ALCAM: variants seen among roughly 807,000 people sequenced by gnomAD.
ALCAM encodes the protein activated leukocyte cell adhesion molecule.
Under a neutral mutation model 70.9 loss-of-function variants are expected in ALCAM, and 30 were observed. The observed-to-expected ratio is 0.42, with a 90% CI of 0.32 to 0.57. The LOEUF (loss-of-function observed/expected upper bound fraction) is 0.57, where lower values mean the gene tolerates loss of function less well. Among genes scored for constraint, ALCAM ranks in the 20% least tolerant of loss-of-function variants. The pLI, the probability that ALCAM is intolerant of heterozygous loss-of-function variation, is 0.11. For synonymous variants in ALCAM, 249 were observed against 242.5 expected (o/e 1.03, Z -0.25); for missense variants, 591 against 695.1 (o/e 0.85, Z 1.68).
chr3:105,374,982 G>T (rs889041282), intron 1 of ALCAM, among the ~76,000 whole-genome samples: 3 of 152,200 alleles, frequency 2.0e-5, no homozygotes, highest in Non-Finnish European at 4.4e-5. Context: ...TGTTTGGTAA[G>T]CAGCCAAAAG....
intron 3 of ALCAM, among the ~76,000 whole-genome samples, chr3:105,527,919 G>A (rs1031286673): frequency 2.0e-5 from 3 of 151,378 alleles, no homozygotes; most frequent in African/African-American, 4.9e-5. Flanking sequence ...GGGGGGCATT[G>A]AGGGGGGAGG....
In ALCAM at chr3:105,520,141, A is replaced by T. The variant is rs1180909970; in HGVS notation, c.148A>T (p.Asn50Tyr). 15 of 1,612,784 alleles carry T rather than the reference A, an allele frequency of 9.3e-6. No homozygotes were observed. Among genetic ancestry groups the T allele is most frequent in the Non-Finnish European group, 1.2e-5 (14 of 1,178,924 alleles). Residue 50 changes from asparagine to tyrosine, a missense_variant, in exon 2 of 16, where the codon AAT becomes TAT. This residue lies in a region of ALCAM where 427 missense variants were observed against 450.4 expected (regional missense o/e 0.95). Transcript: ENST00000306107. The stretch of plus-strand genomic sequence containing the variant: ...ACCTTGCCGACTTGACGTACCTCAG[A>T]ATCTCATGTTTGGCAAATGGAAATA... ...IIPCRLDVPQ[N>Y]LMFGKWKYEK... is the part of the protein sequence containing the mutation.
At chr3:105,386,514 C>G (rs1254738104) in intron 1 of ALCAM, among the ~76,000 whole-genome samples, 1 of 151,406 alleles carries the variant, frequency 6.6e-6, no homozygotes, top group Non-Finnish European at 1.5e-5. Context: ...TTTCTCTATA[C>G]CCTACCTTCC....
intron 7 of ALCAM, among the ~76,000 whole-genome samples, chr3:105,541,033 A>G (rs1940102294): frequency 6.6e-6 from 1 of 151,982 alleles, no homozygotes; most frequent in Non-Finnish European, 1.5e-5. Context: ...TTTTAGCAAT[A>G]ATACCTGCTG....
At chr3:105,522,421 C>T (rs1233067410) in intron 2 of ALCAM, among the ~76,000 whole-genome samples, 1 of 152,068 alleles carries the variant, frequency 6.6e-6, no homozygotes, top group Non-Finnish European at 1.5e-5. Flanking sequence ...TAAAATAGAG[C>T]ATTTGCAATG....
chr3:105,388,063 T>G (rs1211308525), intron 1 of ALCAM, among the ~76,000 whole-genome samples: 5 of 151,520 alleles, frequency 3.3e-5, no homozygotes, highest in African/African-American at 1.2e-4. Context: ...GGAATAAAAA[T>G]GCATTACAGT....
intron 1 of ALCAM, among the ~76,000 whole-genome samples, chr3:105,490,597 G>A (rs748915600): frequency 3.3e-5 from 5 of 152,128 alleles, no homozygotes; most frequent in Non-Finnish European, 5.9e-5. Flanking sequence ...TGGGAAGAAA[G>A]CATGTTATAG....
Position 105,366,922 on chromosome 3 carries a change from G to T in ALCAM, c.-487G>T. Reference sequence around the variant, plus strand: ...GTCCCTCTACTCAGAGCAGCCCGGAGACCGCTGCCGCCGCTGCCGCTGCTA... The same window carrying T: ...GTCCCTCTACTCAGAGCAGCCCGGATACCGCTGCCGCCGCTGCCGCTGCTA... On this transcript the variant is annotated 5_prime_UTR_variant, in exon 1 of 16. Coordinates refer to ENST00000306107, the MANE Select transcript of ALCAM (RefSeq NM_001627.4). 1 of 161,454 alleles carries T rather than the reference G, an allele frequency of 6.2e-6. No individual in the cohort carries two copies. The highest frequency in any genetic ancestry group is 1.4e-4 in the South Asian group (1 of 7,246). The allele number at this position is 161,454 out of a possible 1,614,324, so 10.0% of individuals were successfully genotyped here.
At chr3:105,420,931 T>A (rs1936634544) in intron 1 of ALCAM, among the ~76,000 whole-genome samples, 1 of 151,478 alleles carries the variant, frequency 6.6e-6, no homozygotes, top group South Asian at 2.1e-4. Context: ...ATTCAAGGGC[T>A]TAGACACAGT....
intron 1 of ALCAM, among the ~76,000 whole-genome samples, chr3:105,463,306 T>C (rs1559800195): frequency 6.6e-6 from 1 of 151,486 alleles, no homozygotes; most frequent in South Asian, 2.1e-4. Context: ...CTCTTTCATG[T>C]TGATGCTCTT....
At chr3:105,437,236 T>G (rs906614677) in intron 1 of ALCAM, among the ~76,000 whole-genome samples, 1 of 152,222 alleles carries the variant, frequency 6.6e-6, no homozygotes, top group African/African-American at 2.4e-5. Flanking sequence ...GAGCTCAAAG[T>G]TGCTAAAGTT....
At chr3:105,529,630 G>A (rs1939790711) in intron 3 of ALCAM, among the ~76,000 whole-genome samples, 1 of 151,994 alleles carries the variant, frequency 6.6e-6, no homozygotes, top group South Asian at 2.1e-4. Context: ...ATAGAAAGAC[G>A]AATCATAATG....
chr3:105,490,781 G>T (rs1472469592), intron 1 of ALCAM, among the ~76,000 whole-genome samples: 1 of 152,156 alleles, frequency 6.6e-6, no homozygotes, highest in African/African-American at 2.4e-5. Flanking sequence ...CCCTTCCCCT[G>T]TGGCTTTGCA....
At chr3:105,437,890 G>C (rs999190073) in intron 1 of ALCAM, among the ~76,000 whole-genome samples, 1 of 152,000 alleles carries the variant, frequency 6.6e-6, no homozygotes, top group Non-Finnish European at 1.5e-5. Flanking sequence ...ATATTTTATA[G>C]TAGGAAAATG....
At chr3:105,522,672 C>T (rs958045061) in intron 2 of ALCAM, among the ~76,000 whole-genome samples, 3 of 152,140 alleles carry the variant, frequency 2.0e-5, no homozygotes, top group Admixed American at 6.5e-5. Flanking sequence ...ACAGTGTAAC[C>T]ATAATGAGGC....
intron 1 of ALCAM, among the ~76,000 whole-genome samples, chr3:105,461,986 ATTAT>A (rs1937610603): frequency 6.6e-6 from 1 of 151,644 alleles, no homozygotes; most frequent in Non-Finnish European, 1.5e-5. Context: ...AGGCAGGGAA[ATTAT>A]TTGAGAATTT....
At chr3:105,414,444 T>C (rs1195091188) in intron 1 of ALCAM, among the ~76,000 whole-genome samples, 2 of 151,578 alleles carry the variant, frequency 1.3e-5, no homozygotes, top group Non-Finnish European at 2.9e-5. Flanking sequence ...TAAAGTACTG[T>C]GAGATAGAAT....
At chr3:105,385,520 T>C (rs1415222559) in intron 1 of ALCAM, among the ~76,000 whole-genome samples, 1 of 151,636 alleles carries the variant, frequency 6.6e-6, no homozygotes, top group African/African-American at 2.4e-5. Flanking sequence ...CTTTACTGCT[T>C]TGCCATGACG....
intron 1 of ALCAM, among the ~76,000 whole-genome samples, chr3:105,408,337 C>T (rs777486891): frequency 3.9e-4 from 59 of 152,020 alleles, no homozygotes; most frequent in Non-Finnish European, 6.9e-4. Context: ...CAGCATGATA[C>T]GGGTATAAAA....
Sources: allele counts gnomAD v4.1 joint callset (sites outside exome capture counted in the v4.1 genomes callset), GRCh38; gene constraint gnomAD v4.1.1; regional missense constraint gnomAD v4.1.1; transcripts MANE v1.5; gene names NCBI Gene and HGNC (gene_info 2026-07-23, HGNC 2026-07-21).